ARHGAP31: variants seen among roughly 807,000 people sequenced by gnomAD.
ARHGAP31 encodes Rho GTPase activating protein 31, also known as rho GTPase-activating protein 31.
ARHGAP31 carries 34 observed loss-of-function variants against 113.9 expected under a neutral mutation model. The observed-to-expected ratio is 0.30, with a 90% CI of 0.23 to 0.40. The LOEUF is 0.40. Ranked by LOEUF, ARHGAP31 falls within the 10% of genes least tolerant of loss-of-function variation. ARHGAP31 has a pLI of 1.00. For missense variants in ARHGAP31, 1,548 were observed against 1,767.1 expected, an observed-to-expected ratio of 0.88 and a Z score of 2.22; for synonymous variants, 650 against 684.8, an observed-to-expected ratio of 0.95 and a Z score of 0.79.
rs768307064 is a variant in ARHGAP31, at chr3:119,415,795, C to T, written c.3866C>T (p.Ser1289Phe). 1 of 1,614,252 alleles carries T rather than the reference C, an allele frequency of 6.2e-7. No homozygotes were observed. The highest frequency in any genetic ancestry group is 2.2e-5 in the East Asian group (1 of 44,894). ...TGCATGTGCGAGGGACCTACCCTTTCTCCAGAACCAGGCTCGTCTAACCTG... is the reference window on the plus strand; with the variant it reads ...TGCATGTGCGAGGGACCTACCCTTTTTCCAGAACCAGGCTCGTCTAACCTG... ...APCMCEGPTL[S>F]PEPGSSNLLS... is the part of the protein sequence containing the mutation. Residue 1289 changes from serine (S) to phenylalanine (F), a missense_variant, in exon 12 of 12, where the codon TCT becomes TTT. Ser to Phe is a radical substitution (Grantham distance 155). Transcript: ENST00000264245.
intron 1 of ARHGAP31, among the ~76,000 whole-genome samples, chr3:119,317,171 ATTTTC>A (rs2079739653): frequency 6.8e-6 from 1 of 147,058 alleles, no homozygotes; most frequent in African/African-American, 2.5e-5. Context: ...TCACATTTCT[ATTTTC>A]TTTTTTCTTT....
intron 8 of ARHGAP31, among the ~76,000 whole-genome samples, chr3:119,395,016 A>T (rs1268434323): frequency 6.6e-6 from 1 of 152,252 alleles, no homozygotes; most frequent in East Asian, 1.9e-4. Context: ...ATATCAATAT[A>T]GAAATAGATA....
At chr3:119,372,280 CTTTTT>C (rs758369404) in intron 3 of ARHGAP31, among the ~76,000 whole-genome samples, 1 of 128,998 alleles carries the variant, frequency 7.8e-6, no homozygotes, top group African/African-American at 3.0e-5. Context: ...TTATTTCTGA[CTTTTT>C]TTTTTTTTTT....
rs549137041 is a variant in ARHGAP31, at chr3:119,352,599, C to A, written c.101-12717C>A. 2.7e-5 allele frequency among the ~76,000 whole-genome samples: 4 copies of A among 150,456 alleles called. No homozygotes were observed. In the Admixed American group the frequency reaches 2.7e-4, roughly 10 times the overall value. Reference sequence around the variant, plus strand: ...AAGTCTTTTCTTCTAGATTACCTCCCCTCCCTCTTCCCACACACACACACA... The same window carrying A: ...AAGTCTTTTCTTCTAGATTACCTCCACTCCCTCTTCCCACACACACACACA... On this transcript the variant is annotated intron_variant, in intron 1 of 11. Coordinates refer to ENST00000264245, the MANE Select transcript of ARHGAP31 (RefSeq NM_020754.4).
intron 1 of ARHGAP31, among the ~76,000 whole-genome samples, chr3:119,310,678 C>A (rs184251191): frequency 4.6e-5 from 7 of 152,354 alleles, no homozygotes; most frequent in African/African-American, 1.7e-4. Flanking sequence ...CATTCCCCAC[C>A]ACCATGGAAA....
intron 5 of ARHGAP31, 90 bp from the exon 6 acceptor site, chr3:119,382,994 G>C: frequency 6.8e-7 from 1 of 1,472,140 alleles, no homozygotes; most frequent in Non-Finnish European, 9.5e-7. Context: ...TTTAGGAGAT[G>C]AGCCTTGTGC....
At chr3:119,396,671 A>C (rs1284423510) in intron 8 of ARHGAP31, among the ~76,000 whole-genome samples, 2 of 152,248 alleles carry the variant, frequency 1.3e-5, no homozygotes, top group African/African-American at 4.8e-5. Flanking sequence ...GAAAAGGGGA[A>C]CCAGTGGATT....
At chr3:119,412,191 C>T (rs1363600375) in intron 11 of ARHGAP31, among the ~76,000 whole-genome samples, 3 of 152,006 alleles carry the variant, frequency 2.0e-5, no homozygotes, top group Non-Finnish European at 2.9e-5. Flanking sequence ...GAGTTTGTGA[C>T]CAGCCTGGCC....
intron 1 of ARHGAP31, among the ~76,000 whole-genome samples, chr3:119,349,981 C>T (rs1235070840): frequency 1.3e-5 from 2 of 152,140 alleles, no homozygotes; most frequent in Non-Finnish European, 2.9e-5. Flanking sequence ...AGCATGAACA[C>T]CAAAGAGATT....
intron 1 of ARHGAP31, among the ~76,000 whole-genome samples, chr3:119,321,279 C>CTATA (rs71693848): frequency 5.7e-5 from 8 of 140,430 alleles, no homozygotes; most frequent in African/African-American, 1.8e-4. Context: ...TATATATATA[C>CTATA]TATATATATA....
chr3:119,326,210 T>C (rs1033586591), intron 1 of ARHGAP31, among the ~76,000 whole-genome samples: 1 of 152,076 alleles, frequency 6.6e-6, no homozygotes, highest in Non-Finnish European at 1.5e-5. Flanking sequence ...AAAGTAATAA[T>C]AATAATAAAA....
intron 7 of ARHGAP31, among the ~76,000 whole-genome samples, chr3:119,393,132 T>C (rs2080519765): frequency 6.6e-6 from 1 of 152,180 alleles, no homozygotes; most frequent in African/African-American, 2.4e-5. Context: ...CAAAAGTGCT[T>C]ATCAGAATTC....
chr3:119,382,173 A>T (rs989837752), intron 4 of ARHGAP31, 119 bp from the exon 5 acceptor site: 51 of 1,035,720 alleles, frequency 4.9e-5, no homozygotes, highest in Non-Finnish European at 7.3e-5. Context: ...TCCAATGTCA[A>T]TTCATTAAAA....
intron 4 of ARHGAP31, among the ~76,000 whole-genome samples, chr3:119,381,964 C>T (rs540713802): frequency 2.7e-3 from 355 of 132,928 alleles, no homozygotes; most frequent in Middle Eastern, 5.2e-3. Flanking sequence ...CCAGCCTGGG[C>T]GACAGAGCGA....
chr3:119,402,512 C>CACA, intron 10 of ARHGAP31, 115 bp downstream of exon 10: 3 of 1,139,406 alleles, frequency 2.6e-6, no homozygotes, highest in Non-Finnish European at 2.6e-6. Flanking sequence ...CTCTAGAGCC[C>CACA]GATTGGGTAC....
chr3:119,403,487 G>A (rs758643606), intron 10 of ARHGAP31, among the ~76,000 whole-genome samples: 113 of 152,294 alleles, frequency 7.4e-4, no homozygotes, highest in Non-Finnish European at 1.3e-3. Context: ...CTTCCCCACA[G>A]TGAGCTCAAA....
At chr3:119,410,334 T>A (rs2080704913) in intron 11 of ARHGAP31, among the ~76,000 whole-genome samples, 1 of 152,360 alleles carries the variant, frequency 6.6e-6, no homozygotes, top group East Asian at 1.9e-4. Context: ...TTATGGGATG[T>A]CCTTCAATAG....
chr3:119,349,738 A>G (rs529017889), intron 1 of ARHGAP31, among the ~76,000 whole-genome samples: 1 of 152,246 alleles, frequency 6.6e-6, no homozygotes, highest in South Asian at 2.1e-4. Flanking sequence ...AATTTAACAA[A>G]CTATTTAAAG....
At chr3:119,337,069 T>C (rs1459054840) in intron 1 of ARHGAP31, among the ~76,000 whole-genome samples, 2 of 152,240 alleles carry the variant, frequency 1.3e-5, no homozygotes, top group Admixed American at 6.5e-5. Flanking sequence ...GACATTTGAA[T>C]TGTTTCCACT....
Sources: gnomAD v4.1 joint callset for allele counts (sites outside exome capture counted in the v4.1 genomes callset) on GRCh38, gnomAD v4.1.1 for gene constraint, MANE v1.5 for transcripts, NCBI Gene and HGNC (gene_info 2026-07-23, HGNC 2026-07-21) for gene names.